ENOSF1: variants seen among roughly 807,000 people sequenced by gnomAD.
ENOSF1 encodes the protein mitochondrial enolase superfamily member 1.
In ENOSF1, 73 loss-of-function variants were observed where a neutral mutation model predicts 68.2. That is an observed-to-expected ratio of 1.07 (90% CI 0.89 to 1.30). The LOEUF (loss-of-function observed/expected upper bound fraction) is 1.30, where lower values mean the gene tolerates loss of function less well. Ranked by LOEUF, ENOSF1 falls within the 50% of genes most tolerant of loss-of-function variation. The probability of loss-of-function intolerance (pLI) is 0.00; values close to 1 mark genes in which losing one functional copy is unlikely to be tolerated. For missense variants in ENOSF1, 589 were observed against 554.5 expected, an observed-to-expected ratio of 1.06 and a Z score of -0.62; for synonymous variants, 223 against 210.4, an observed-to-expected ratio of 1.06 and a Z score of -0.52.
At chr18:703,650 C>T (rs967052851) in intron 2 of ENOSF1, among the ~76,000 whole-genome samples, 1 of 152,166 alleles carries the variant, frequency 6.6e-6, no homozygotes, top group African/African-American at 2.4e-5. Flanking sequence ...CTGGCAAATT[C>T]CTGTTTGCTC....
chr18:696,691 T>C (rs1048690522), intron 3 of ENOSF1, among the ~76,000 whole-genome samples: 1 of 152,180 alleles, frequency 6.6e-6, no homozygotes, highest in Non-Finnish European at 1.5e-5. Flanking sequence ...AACATTTTAT[T>C]CAGCTAAATT....
chr18:676,451 TC>T (rs777231462), intron 14 of ENOSF1, among the ~76,000 whole-genome samples: 3 of 152,192 alleles, frequency 2.0e-5, no homozygotes, highest in African/African-American at 7.2e-5. Flanking sequence ...TGTAGCACCT[TC>T]CCCCCTCACT....
At chr18:686,049 G>T (rs1014092710) in intron 9 of ENOSF1, 41 bp from the exon 10 acceptor site, 2 of 1,481,864 alleles carry the variant, frequency 1.3e-6, no homozygotes, top group Admixed American at 3.3e-5. Flanking sequence ...ACCTGTACCT[G>T]GACTTGGCAA....
intron 11 of ENOSF1, among the ~76,000 whole-genome samples, chr18:682,479 C>T (rs971688281): frequency 6.6e-6 from 1 of 152,064 alleles, no homozygotes; most frequent in Non-Finnish European, 1.5e-5. Context: ...ATATATACTG[C>T]GCCATTATAT....
At position 692,668 on chromosome 18, in the gene ENOSF1, C is replaced by CA. The variant is rs2077316036; in HGVS notation, c.423+1213dup. On this transcript the variant is annotated intron_variant, in intron 5 of 15. Coordinates refer to ENST00000647584, the MANE Select transcript of ENOSF1 (RefSeq NM_017512.7). Reference sequence around the variant, plus strand: ...ACTGGCATTGAAAGGGAACAGGATCCAAAAATGGAGGGTCCACAGGTGGGA... The same window carrying CA: ...ACTGGCATTGAAAGGGAACAGGATCCAAAAAATGGAGGGTCCACAGGTGGGA... The CA allele has an allele frequency of 3.1e-6, 3 of 981,430 alleles. No homozygotes were observed. In the African/African-American group the frequency reaches 5.3e-5, roughly 17 times the overall value. 60.8% of individuals were successfully genotyped at this position (981,430 alleles called of 1,614,324 possible).
intron 2 of ENOSF1, among the ~76,000 whole-genome samples, chr18:698,492 G>T (rs2077979387): frequency 6.6e-6 from 1 of 152,114 alleles, no homozygotes; most frequent in Non-Finnish European, 1.5e-5. Flanking sequence ...TAAAATATAT[G>T]AAAACACTGT....
chr18:694,592 C>T (rs1396984802), intron 3 of ENOSF1, among the ~76,000 whole-genome samples: 2 of 150,058 alleles, frequency 1.3e-5, no homozygotes, highest in East Asian at 3.9e-4. Flanking sequence ...CGCACCACTA[C>T]ACTCCAGCCT....
chr18:670,386 A>G lies in ENOSF1; in HGVS notation c.*3919T>C, dbSNP rs946609418. On this transcript the variant is annotated 3_prime_UTR_variant, in exon 16 of 16. Coordinates refer to ENST00000647584, the MANE Select transcript of ENOSF1 (RefSeq NM_017512.7). ...CAGAAGCACCAGTTTCCTGTGGCAA[A>G]CAGAATTATTCCTGCTGTATTTGTA... 18 of 262,162 alleles carry G rather than the reference A, an allele frequency of 6.9e-5. No homozygotes were observed. The highest frequency in any genetic ancestry group is 3.4e-4 in the Admixed American group (7 of 20,314). 16.2% of individuals were successfully genotyped at this position (262,162 alleles called of 1,614,324 possible). A position where few individuals can be genotyped will look rare whatever the true frequency, so the allele number is the denominator to read the frequency against.
In ENOSF1 at chr18:670,605, C is replaced by T. The variant is rs2074997988; in HGVS notation, c.*3700G>A. On this transcript the variant is annotated 3_prime_UTR_variant, in exon 16 of 16. Coordinates refer to ENST00000647584, the MANE Select transcript of ENOSF1 (RefSeq NM_017512.7). ...TCCTGGTCTCCACCATATGAGTTGG[C>T]TTCTGTTTCTCTCCTGTTTTACTTT... 1 of 1,457,356 alleles carries T rather than the reference C, an allele frequency of 6.9e-7. No individual in the cohort carries two copies. Among genetic ancestry groups the T allele is most frequent in the Admixed American group, 1.8e-5 (1 of 54,344 alleles). The allele number at this position is 1,457,356 out of a possible 1,614,324, so 90.3% of individuals were successfully genotyped here.
rs779756728 is a variant in ENOSF1, at chr18:675,346, T to G, written c.1205A>C (p.Gln402Pro). The part of the protein sequence containing the change: ...HEHFKYPVMI[Q>P]RASYMPPKDP... Reference sequence around the variant, plus strand: ...CTTGGGAGGCATGTAGGAAGCCCGCTGGATCATCACGGGATACTTGAAATG... The same window carrying G: ...CTTGGGAGGCATGTAGGAAGCCCGCGGGATCATCACGGGATACTTGAAATG... The change falls in exon 15 of 16, where the codon CAG (glutamine) becomes CCG (proline). Residue 402 changes from glutamine to proline, a missense_variant. Transcript: ENST00000647584. 6.2e-6 allele frequency: 10 copies of G among 1,612,588 alleles called. No individual in the cohort carries two copies. The highest frequency in any genetic ancestry group is 5.9e-6 in the Non-Finnish European group (7 of 1,179,726).
At chr18:700,659 C>T (rs556598588) in intron 2 of ENOSF1, among the ~76,000 whole-genome samples, 1 of 151,660 alleles carries the variant, frequency 6.6e-6, no homozygotes, top group Non-Finnish European at 1.5e-5. Context: ...CTGAGGCGGG[C>T]GGATCACCTG....
At chr18:666,999 AGATGGTGATGGT>A (rs1176133296), downstream of ENOSF1, among the ~76,000 whole-genome samples, 51 of 6,718 alleles carry the variant, frequency 7.6e-3, 10 homozygotes, top group South Asian at 0.037. Flanking sequence ...ATGGTGATGG[AGATGGTGATGGT>A]GATGGAGATG....
chr18:702,662 T>C (rs576405256), intron 2 of ENOSF1, among the ~76,000 whole-genome samples: 1 of 151,074 alleles, frequency 6.6e-6, no homozygotes, highest in Non-Finnish European at 1.5e-5. Flanking sequence ...ATCATTTGAG[T>C]CTGGAAGGTC....
Position 671,326 on chromosome 18 carries a change from G to A in ENOSF1, c.*2979C>T, listed in dbSNP as rs2075041268. 8.6e-7 allele frequency: 1 copy of A among 1,161,526 alleles called. No individual in the cohort carries two copies. Among genetic ancestry groups the A allele is most frequent in the Non-Finnish European group, 1.3e-6 (1 of 768,186 alleles). The allele number at this position is 1,161,526 out of a possible 1,614,324, so 72.0% of individuals were successfully genotyped here. A position where few individuals can be genotyped will look rare whatever the true frequency, so the allele number is the denominator to read the frequency against. The stretch of plus-strand genomic sequence containing the variant: ...GCATATTCTAATGTTTTTAAATGAT[G>A]TTTTAAAGAATTGAAACTAACATAC... On this transcript the variant is annotated 3_prime_UTR_variant, in exon 16 of 16. Coordinates refer to ENST00000647584, the MANE Select transcript of ENOSF1 (RefSeq NM_017512.7).
Position 706,790 on chromosome 18 carries a change from G to A in ENOSF1, c.85-212C>T. The A allele has an allele frequency of 9.9e-6, 3 of 303,314 alleles. No individual in the cohort carries two copies. The South Asian group carries it at 2.1e-4, about 21-fold the overall frequency. 18.8% of individuals were successfully genotyped at this position (303,314 alleles called of 1,614,324 possible). A position where few individuals can be genotyped will look rare whatever the true frequency, so the allele number is the denominator to read the frequency against. ...TGAAAGATCCAAAATGTTTCAACAA[G>A]AGCAATGTATGTATATATATATATA... is the stretch of plus-strand genomic sequence containing the variant. On this transcript the variant is annotated intron_variant, in intron 1 of 15. Transcript: ENST00000647584.
At chr18:669,455 C>T (rs1598474729), downstream of ENOSF1, 2 of 260,898 alleles carry the variant, frequency 7.7e-6, no homozygotes, top group South Asian at 1.2e-4. Flanking sequence ...TCACTGTAAC[C>T]TCTGCCTCCT....
intron 7 of ENOSF1, 168 bp from the exon 8 acceptor site, chr18:690,799 G>A: frequency 9.5e-6 from 14 of 1,480,482 alleles, no homozygotes; most frequent in Non-Finnish European, 1.3e-5. Flanking sequence ...CAGGTGATCA[G>A]GATACTCTCA....
intron 11 of ENOSF1, among the ~76,000 whole-genome samples, chr18:681,578 A>G (rs1415902482): frequency 1.2e-4 from 18 of 152,188 alleles, no homozygotes; most frequent in Non-Finnish European, 2.1e-4. Context: ...CCTATTGTGG[A>G]ATGATTCCTC....
chr18:700,393 G>A (rs1362639409), intron 2 of ENOSF1, among the ~76,000 whole-genome samples: 1 of 152,186 alleles, frequency 6.6e-6, no homozygotes, highest in Admixed American at 6.6e-5. Context: ...CCGTCTCAAG[G>A]ATTTGATTGT....
Sources: allele counts gnomAD v4.1 joint callset (sites outside exome capture counted in the v4.1 genomes callset), GRCh38; gene constraint gnomAD v4.1.1; transcripts MANE v1.5; gene names NCBI Gene and HGNC (gene_info 2026-07-23, HGNC 2026-07-21).